The following CRIM1 variants were observed in gnomAD, a reference collection of about 807,000 sequenced individuals.
CRIM1 encodes cysteine-rich motor neuron 1 protein.
Under a neutral mutation model 116.4 loss-of-function variants are expected in CRIM1, and 32 were observed. The observed-to-expected ratio is 0.27, with a 90% CI of 0.21 to 0.37. CRIM1 has a LOEUF of 0.37. CRIM1 is among the 10% of genes least tolerant of loss of function. The probability of loss-of-function intolerance (pLI) is 1.00; values close to 1 mark genes in which losing one functional copy is unlikely to be tolerated. For synonymous variants in CRIM1, 590 were observed against 509.2 expected, an observed-to-expected ratio of 1.16 and a Z score of -2.13; for missense variants, 1,331 against 1,354.8, an observed-to-expected ratio of 0.98 and a Z score of 0.28.
At chr2:36,451,661 A>G (rs764027079) in intron 4 of CRIM1, among the ~76,000 whole-genome samples, 2 of 152,022 alleles carry the variant, frequency 1.3e-5, no homozygotes, top group Non-Finnish European at 2.9e-5. Flanking sequence ...AAGTTTGTCA[A>G]CTCTTATCTC....
chr2:36,513,365 TCTC>T, intron 10 of CRIM1, 188 bp from the exon 11 acceptor site: 1 of 563,058 alleles, frequency 1.8e-6, no homozygotes, highest in Non-Finnish European at 3.2e-6. Flanking sequence ...CCGGTTTTTT[TCTC>T]TCTTTTCTTT....
intron 1 of CRIM1, among the ~76,000 whole-genome samples, chr2:36,369,960 G>A (rs1164489681): frequency 1.3e-5 from 2 of 152,368 alleles, no homozygotes; most frequent in African/African-American, 4.8e-5. Context: ...TATTATGGAT[G>A]TGCTGGAAAC....
intron 14 of CRIM1, 73 bp downstream of exon 14, chr2:36,537,619 C>G (rs1351002965): frequency 7.0e-7 from 1 of 1,428,292 alleles, no homozygotes; most frequent in Non-Finnish European, 9.3e-7. Context: ...CAGAGCTCGA[C>G]CTGCCCCTTC....
intron 2 of CRIM1, 24 bp from the exon 3 acceptor site, chr2:36,441,234 C>G: frequency 6.2e-7 from 1 of 1,613,924 alleles, no homozygotes; most frequent in South Asian, 1.1e-5. Flanking sequence ...TGGGCATAAG[C>G]TAAATTCTTT....
Position 36,367,470 on chromosome 2 carries a change from A to T in CRIM1, c.331+10847A>T, listed in dbSNP as rs72863607. 3.7e-3 allele frequency among the ~76,000 whole-genome samples: 564 copies of T among 152,284 alleles called. 4 individuals carry two copies. Among genetic ancestry groups the T allele is most frequent in the African/African-American group, 0.012 (505 of 41,550 alleles). ...CCAGTGACTTAAATAAAACCCTTCA[A>T]CTTCCCTTGGCATGACTTTGCCTTA... On this transcript the variant is annotated intron_variant, in intron 1 of 16. Transcript: ENST00000280527.
intron 1 of CRIM1, among the ~76,000 whole-genome samples, chr2:36,374,501 C>G (rs79879749): frequency 6.6e-6 from 1 of 152,196 alleles, no homozygotes; most frequent in African/African-American, 2.4e-5. Context: ...TCCTTCCCCC[C>G]ACACCCATCG....
intron 13 of CRIM1, among the ~76,000 whole-genome samples, chr2:36,530,629 C>G (rs1001908379): frequency 2.0e-5 from 3 of 152,208 alleles, no homozygotes; most frequent in Admixed American, 2.0e-4. Flanking sequence ...GAAGTACTTC[C>G]CCTATTCTTG....
chr2:36,441,587 C>A, intron 3 of CRIM1, 87 bp downstream of exon 3: 1 of 1,513,924 alleles, frequency 6.6e-7, no homozygotes, highest in Non-Finnish European at 8.9e-7. Context: ...CCTCTCCTTT[C>A]ACACGAAGAT....
rs116780699 is a variant in CRIM1 at position 36,404,890 on chromosome 2, T to C, written c.505+8103T>C. The stretch of plus-strand genomic sequence containing the variant: ...ATTTCAGTGCTACCTAAGGAAATGG[T>C]AATATCATGAGTTTTTTATTCCATT... On this transcript the variant is annotated intron_variant, in intron 2 of 16. Coordinates refer to ENST00000280527, the MANE Select transcript of CRIM1 (RefSeq NM_016441.3). Among the ~76,000 whole-genome samples the C allele has an allele frequency of 3.3e-3, 498 of 152,312 alleles. 3 individuals carry two copies. Among genetic ancestry groups the C allele is most frequent in the African/African-American group, 0.011 (467 of 41,566 alleles).
At chr2:36,408,651 A>G (rs1672991348) in intron 2 of CRIM1, among the ~76,000 whole-genome samples, 1 of 152,228 alleles carries the variant, frequency 6.6e-6, no homozygotes, top group Non-Finnish European at 1.5e-5. Context: ...GCTTGTCTCC[A>G]TCAACCAGAG....
chr2:36,450,622 C>T (rs1676635136), intron 4 of CRIM1, among the ~76,000 whole-genome samples: 1 of 152,158 alleles, frequency 6.6e-6, no homozygotes, highest in Non-Finnish European at 1.5e-5. Context: ...CCACTCATAT[C>T]CTGTCCTATC....
chr2:36,529,713 C>A (rs963769371), intron 13 of CRIM1, among the ~76,000 whole-genome samples: 11 of 152,172 alleles, frequency 7.2e-5, no homozygotes, highest in African/African-American at 2.7e-4. Flanking sequence ...TGGTTCTCAG[C>A]CAAAAGTGAC....
Position 36,479,428 on chromosome 2 carries a change from C to T in CRIM1, c.1175-69C>T, listed in dbSNP as rs967362695. On this transcript the variant is annotated intron_variant, in intron 6 of 16. Coordinates refer to ENST00000280527, the MANE Select transcript of CRIM1 (RefSeq NM_016441.3). Reference sequence around the variant, plus strand: ...TGACTAGAACCCAGGGAAAAAATGTCTCTGGGTACTGACAGAGATAAGATT... The same window carrying T: ...TGACTAGAACCCAGGGAAAAAATGTTTCTGGGTACTGACAGAGATAAGATT... The T allele has an allele frequency of 2.0e-6, 3 of 1,501,774 alleles. No individual in the cohort carries two copies. The African/African-American group carries it at 4.1e-5, about 21-fold the overall frequency. The allele number at this position is 1,501,774 out of a possible 1,614,324, so 93.0% of individuals were successfully genotyped here. A position where few individuals can be genotyped will look rare whatever the true frequency, so the allele number is the denominator to read the frequency against.
chr2:36,356,237 G>A lies in CRIM1; in HGVS notation c.-56G>A. On this transcript the variant is annotated 5_prime_UTR_variant, in exon 1 of 17. Transcript: ENST00000280527. The surrounding 1 kb of genome is among the most constrained non-coding windows in gnomAD (Gnocchi z 4.3). Reference sequence around the variant, plus strand: ...GCGCGTGTGCCCCGCGCAGGGGAGGGCGCCCGCCCCGCTCCCGGCCCGGCT... The same window carrying A: ...GCGCGTGTGCCCCGCGCAGGGGAGGACGCCCGCCCCGCTCCCGGCCCGGCT... 9.2e-7 allele frequency: 1 copy of A among 1,084,822 alleles called. No homozygotes were observed. Among genetic ancestry groups the A allele is most frequent in the Non-Finnish European group, 1.2e-6 (1 of 815,766 alleles). 67.2% of individuals were successfully genotyped at this position (1,084,822 alleles called of 1,614,324 possible).
intron 12 of CRIM1, among the ~76,000 whole-genome samples, chr2:36,518,992 C>T (rs767238649): frequency 6.6e-6 from 1 of 152,132 alleles, no homozygotes; most frequent in Non-Finnish European, 1.5e-5. Context: ...CAATATTCCA[C>T]GTTAAGTCAA....
chr2:36,418,634 A>G (rs1314889537), intron 2 of CRIM1, among the ~76,000 whole-genome samples: 1 of 152,144 alleles, frequency 6.6e-6, no homozygotes, highest in Non-Finnish European at 1.5e-5. Flanking sequence ...TTTCTATGCA[A>G]TGCAGAGGTG....
At chr2:36,401,927 C>T (rs1179815040) in intron 2 of CRIM1, among the ~76,000 whole-genome samples, 1 of 152,170 alleles carries the variant, frequency 6.6e-6, no homozygotes, top group African/African-American at 2.4e-5. Context: ...GGGACTTGGA[C>T]TGAAGTCCTG....
chr2:36,415,348 G>A (rs1285019587), intron 2 of CRIM1, among the ~76,000 whole-genome samples: 2 of 152,296 alleles, frequency 1.3e-5, no homozygotes, highest in South Asian at 2.1e-4. Context: ...AGTCATTAGA[G>A]TGTTTCACTA....
chr2:36,371,274 G>A (rs1233386877), intron 1 of CRIM1, among the ~76,000 whole-genome samples: 1 of 151,812 alleles, frequency 6.6e-6, no homozygotes, highest in African/African-American at 2.4e-5. Flanking sequence ...ATCCCCCAGT[G>A]ACCATAAATA....
Sources: allele counts gnomAD v4.1 joint callset (sites outside exome capture counted in the v4.1 genomes callset), GRCh38; gene constraint gnomAD v4.1.1; non-coding constraint Gnocchi (gnomAD v3.1); transcripts MANE v1.5; gene names NCBI Gene and HGNC (gene_info 2026-07-23, HGNC 2026-07-21).